KCNJ6: variants seen among roughly 807,000 people sequenced by gnomAD.
KCNJ6 encodes potassium inwardly rectifying channel subfamily J member 6, also known as G protein-activated inward rectifier potassium channel 2.
KCNJ6 carries 9 observed loss-of-function variants against 34.2 expected under a neutral mutation model. The observed-to-expected ratio is 0.26, with a 90% CI of 0.16 to 0.46. The LOEUF is 0.46. Ranked by LOEUF, KCNJ6 falls within the 20% of genes least tolerant of loss-of-function variation. The pLI, the probability that KCNJ6 is intolerant of heterozygous loss-of-function variation, is 1.00. For missense variants in KCNJ6, 236 were observed against 531.3 expected (o/e 0.44, Z 5.46); for synonymous variants, 196 against 207.1 (o/e 0.95, Z 0.46).
At chr21:37,777,781 C>A (rs764792944) in intron 2 of KCNJ6, among the ~76,000 whole-genome samples, 3 of 152,196 alleles carry the variant, frequency 2.0e-5, no homozygotes, top group African/African-American at 4.8e-5. Context: ...GGCTTTTCAA[C>A]CTGGCTCTGT....
At chr21:37,891,525 C>T (rs370082969) in intron 1 of KCNJ6, among the ~76,000 whole-genome samples, 4 of 152,006 alleles carry the variant, frequency 2.6e-5, no homozygotes, top group African/African-American at 9.7e-5. Context: ...GAAATGTGTC[C>T]CTAAAATCTA....
intron 2 of KCNJ6, among the ~76,000 whole-genome samples, chr21:37,751,359 T>G (rs975233442): frequency 6.6e-6 from 1 of 152,258 alleles, no homozygotes; most frequent in African/African-American, 2.4e-5. Context: ...CCTGCTGACC[T>G]GCTAAGGAGC....
intron 2 of KCNJ6, among the ~76,000 whole-genome samples, chr21:37,793,591 T>C (rs1293902031): frequency 7.0e-6 from 1 of 143,786 alleles, no homozygotes; most frequent in Non-Finnish European, 1.5e-5. Flanking sequence ...CTATCAAGCC[T>C]CTAAGGCTCC....
intron 2 of KCNJ6, among the ~76,000 whole-genome samples, chr21:37,749,874 G>A (rs925535337): frequency 6.6e-6 from 1 of 152,124 alleles, no homozygotes; most frequent in Non-Finnish European, 1.5e-5. Context: ...TCGTCAAAGG[G>A]CAGTAATCAT....
intron 3 of KCNJ6, among the ~76,000 whole-genome samples, chr21:37,662,196 C>T (rs2054492726): frequency 6.6e-6 from 1 of 152,084 alleles, no homozygotes; most frequent in African/African-American, 2.4e-5. Context: ...TCTATCAACC[C>T]ATCACCTAGG....
At chr21:37,793,545 CAAAAAAAAAAAAAA>C (rs954872713) in intron 2 of KCNJ6, among the ~76,000 whole-genome samples, 2 of 19,870 alleles carry the variant, frequency 1.0e-4, no homozygotes, top group African/African-American at 1.7e-4. Flanking sequence ...GACTCCATCT[CAAAAAAAAAAAAAA>C]AAAAAAAAAA....
At chr21:37,811,479 C>T (rs570202860) in intron 2 of KCNJ6, among the ~76,000 whole-genome samples, 1 of 152,154 alleles carries the variant, frequency 6.6e-6, no homozygotes, top group Admixed American at 6.5e-5. Context: ...CTGACATTAA[C>T]TCCAGGTAGA....
intron 2 of KCNJ6, among the ~76,000 whole-genome samples, chr21:37,758,930 C>T (rs576097822): frequency 4.6e-5 from 7 of 152,294 alleles, no homozygotes; most frequent in South Asian, 4.1e-4. Flanking sequence ...CGTGCCTTCC[C>T]GGCCTTAGAT....
intron 3 of KCNJ6, among the ~76,000 whole-genome samples, chr21:37,681,602 T>C (rs184207367): frequency 3.9e-5 from 6 of 152,374 alleles, no homozygotes; most frequent in Admixed American, 3.3e-4. Context: ...TTGAGGGAGT[T>C]GCTTCTTAGA....
At chr21:37,762,206 C>T (rs1300532608) in intron 2 of KCNJ6, among the ~76,000 whole-genome samples, 1 of 152,158 alleles carries the variant, frequency 6.6e-6, no homozygotes, top group African/African-American at 2.4e-5. Flanking sequence ...CATCTGAACC[C>T]ACTCCTCTGG....
intron 2 of KCNJ6, among the ~76,000 whole-genome samples, chr21:37,775,487 T>A (rs941566465): frequency 6.6e-6 from 1 of 152,244 alleles, no homozygotes; most frequent in Non-Finnish European, 1.5e-5. Context: ...GTTTTAGGTC[T>A]AACATTTAAG....
intron 3 of KCNJ6, among the ~76,000 whole-genome samples, chr21:37,708,228 A>C (rs1224697315): frequency 6.6e-6 from 1 of 152,224 alleles, no homozygotes; most frequent in Non-Finnish European, 1.5e-5. Context: ...TGGAGTTATA[A>C]TGCTAGGTTT....
intron 3 of KCNJ6, among the ~76,000 whole-genome samples, chr21:37,671,388 G>A (rs73904026): frequency 0.077 from 11,680 of 152,238 alleles, 1,083 homozygotes; most frequent in African/African-American, 0.22. Context: ...CAGGGAGGGC[G>A]TGCCCCTCTT....
chr21:37,694,166 C>T (rs1204531358), intron 3 of KCNJ6, among the ~76,000 whole-genome samples: 2 of 152,212 alleles, frequency 1.3e-5, no homozygotes, highest in African/African-American at 2.4e-5. Context: ...ACTGCAGCCT[C>T]AGATACCTGT....
intron 2 of KCNJ6, among the ~76,000 whole-genome samples, chr21:37,797,541 A>G (rs2055249478): frequency 1.3e-5 from 2 of 152,316 alleles, no homozygotes; most frequent in South Asian, 2.1e-4. Flanking sequence ...TATAACACCA[A>G]TGAAAACATG....
At chr21:37,756,710 G>C (rs1254750659) in intron 2 of KCNJ6, among the ~76,000 whole-genome samples, 1 of 139,188 alleles carries the variant, frequency 7.2e-6, no homozygotes, top group Non-Finnish European at 1.6e-5. Flanking sequence ...AGCCTGGAGT[G>C]AGCACTCCCT....
intron 1 of KCNJ6, among the ~76,000 whole-genome samples, chr21:37,855,023 A>G (rs2055557633): frequency 6.6e-6 from 1 of 152,268 alleles, no homozygotes; most frequent in Non-Finnish European, 1.5e-5. Context: ...ATCAATGTTT[A>G]TAGAATTTGC....
At chr21:37,869,089 T>C (rs951610816) in intron 1 of KCNJ6, among the ~76,000 whole-genome samples, 1 of 152,216 alleles carries the variant, frequency 6.6e-6, no homozygotes, top group Non-Finnish European at 1.5e-5. Context: ...GTGAATTCTT[T>C]AGGGATGATC....
At position 37,608,180 on chromosome 21, in the gene KCNJ6, G is replaced by A. The variant is rs1201057073; in HGVS notation, c.*16979C>T. ...TCTAAGTCTCTATAAATTAGCACCA[G>A]TTTTCCAAATGCATATTTTATCAAA... On this transcript the variant is annotated 3_prime_UTR_variant, in exon 4 of 4. Transcript: ENST00000609713. The A allele has an allele frequency of 1.3e-5, 2 of 152,166 alleles. No individual in the cohort carries two copies. The highest frequency in any genetic ancestry group is 1.5e-5 in the Non-Finnish European group (1 of 68,046). The allele number at this position is 152,166 out of a possible 1,614,324, so 9.4% of individuals were successfully genotyped here.
Sources: allele counts gnomAD v4.1 joint callset (sites outside exome capture counted in the v4.1 genomes callset), GRCh38; gene constraint gnomAD v4.1.1; transcripts MANE v1.5; gene names NCBI Gene and HGNC (gene_info 2026-07-23, HGNC 2026-07-21).